TGM6: variants seen among roughly 807,000 people sequenced by gnomAD.
TGM6 encodes protein-glutamine gamma-glutamyltransferase 6.
Under a neutral mutation model 77.5 loss-of-function variants are expected in TGM6, and 74 were observed. The ratio of observed to expected loss-of-function variants is 0.96; its 90% confidence interval spans 0.79 to 1.16. The LOEUF is 1.16. Ranked by LOEUF, TGM6 falls within the 50% of genes most tolerant of loss-of-function variation. TGM6 has a pLI of 0.00. For missense variants in TGM6, 968 were observed against 940.2 expected (o/e 1.03, Z -0.39); for synonymous variants, 383 against 378.9 (o/e 1.01, Z -0.12).
chr20:2,396,571 A>T lies in TGM6; in HGVS notation c.490A>T (p.Ile164Phe). 1 of 1,614,238 alleles carries T rather than the reference A, an allele frequency of 6.2e-7. No individual in the cohort carries two copies. The highest frequency in any genetic ancestry group is 8.5e-7 in the Non-Finnish European group (1 of 1,180,040). The change falls in exon 4 of 13, where the codon ATC becomes TTC. Residue 164 changes from isoleucine to phenylalanine, a missense_variant. By Grantham distance (21) the Ile-to-Phe change is conservative (BLOSUM62 0). Coordinates refer to ENST00000202625, the MANE Select transcript of TGM6 (RefSeq NM_198994.3). ...QEYVLSDSGI[I>F]FRGVEKHIRA... Reference sequence around the variant, plus strand: ...GTACGTGCTCAGCGACAGCGGCATCATCTTCCGAGGCGTGGAGAAGCACAT... The same window carrying T: ...GTACGTGCTCAGCGACAGCGGCATCTTCTTCCGAGGCGTGGAGAAGCACAT...
At chr20:2,406,850 A>AAC (rs2084755398) in intron 9 of TGM6, among the ~76,000 whole-genome samples, 1 of 146,964 alleles carries the variant, frequency 6.8e-6, no homozygotes, top group Non-Finnish European at 1.5e-5. Flanking sequence ...AAAAAAAAAA[A>AAC]AAAAAAAAAA....
At position 2,417,306 on chromosome 20, in the gene TGM6, A is replaced by G. The variant is rs778120112; in HGVS notation, c.1411A>G (p.Ile471Val). Residue 471 changes from isoleucine (I) to valine (V), a missense_variant, in exon 10 of 13, where the codon ATC (isoleucine) becomes GTC (valine). Ile to Val is a conservative substitution (Grantham distance 29, BLOSUM62 3). Transcript: ENST00000202625. ...CGGCGTGGAAGCCTCTGGAAGGAGA[A>G]TCTGGATCCGCAGGGCTGGGGGTCG... ...LFGVEASGRR[I>V]WIRRAGGRCL... 1.2e-6 allele frequency: 2 copies of G among 1,612,648 alleles called. No homozygotes were observed. The highest frequency in any genetic ancestry group is 4.5e-5 in the East Asian group (2 of 44,860).
intron 7 of TGM6, among the ~76,000 whole-genome samples, chr20:2,400,791 A>G (rs1295255732): frequency 6.6e-6 from 1 of 152,078 alleles, no homozygotes; most frequent in Non-Finnish European, 1.5e-5. Flanking sequence ...CTGCTTCCGT[A>G]TCAGCTGCGG....
intron 1 of TGM6, among the ~76,000 whole-genome samples, chr20:2,381,198 T>A (rs2084552363): frequency 6.6e-6 from 1 of 152,146 alleles, no homozygotes; most frequent in Non-Finnish European, 1.5e-5. Context: ...GCTCAGGCGC[T>A]GTCTCCTGGG....
rs1467507321 is a variant in TGM6 at position 2,432,607 on chromosome 20, G to T, written c.2085G>T (p.Lys695Asn). The change falls in exon 13 of 13, where the codon AAG (lysine) becomes AAT (asparagine). Residue 695 changes from lysine to asparagine, a missense_variant. Lys to Asn is a moderately conservative substitution (Grantham distance 94). Transcript: ENST00000202625. ...TAAGCCCTCACTTCCCGGACATCAA[G>T]GGCTTTGTGATCGTCCATGTGGCCA... The part of the protein sequence containing the change: ...DLVSPHFPDI[K>N]GFVIVHVATA... 1 of 1,614,156 alleles carries T rather than the reference G, an allele frequency of 6.2e-7. No homozygotes were observed. The highest frequency in any genetic ancestry group is 1.7e-5 in the Admixed American group (1 of 60,026).
chr20:2,403,206 T>G (rs1230996882), intron 7 of TGM6, among the ~76,000 whole-genome samples, 191 bp from the exon 8 acceptor site: 1 of 152,242 alleles, frequency 6.6e-6, no homozygotes, highest in Non-Finnish European at 1.5e-5. Flanking sequence ...CACATCTATA[T>G]ACACACATAC....
intron 10 of TGM6, among the ~76,000 whole-genome samples, chr20:2,422,046 C>T (rs903978943): frequency 1.1e-4 from 16 of 152,040 alleles, no homozygotes; most frequent in African/African-American, 2.2e-4. Flanking sequence ...GCAGGAGAAT[C>T]GCTTGAACCC....
rs545711822 is a variant in TGM6, at chr20:2,418,831, T to C, written c.1678+1258T>C. 1.3e-4 allele frequency among the ~76,000 whole-genome samples: 19 copies of C among 147,278 alleles called. No homozygotes were observed. The East Asian group carries it at 2.5e-3, about 20-fold the overall frequency. Reference sequence around the variant, plus strand: ...GTGGCTCACGCCTGTAATCCTAGCATTTTGGGAGGCCAAGGCGGGTGGATC... The same window carrying C: ...GTGGCTCACGCCTGTAATCCTAGCACTTTGGGAGGCCAAGGCGGGTGGATC... On this transcript the variant is annotated intron_variant, in intron 10 of 12. Transcript: ENST00000202625.
chr20:2,400,729 G>T (rs1212872914), intron 7 of TGM6, among the ~76,000 whole-genome samples: 1 of 151,912 alleles, frequency 6.6e-6, no homozygotes, highest in Non-Finnish European at 1.5e-5. Context: ...TGGCTTCCTG[G>T]GGTGGGGTGG....
chr20:2,410,332 G>A (rs1387818660), intron 9 of TGM6, among the ~76,000 whole-genome samples: 1 of 152,168 alleles, frequency 6.6e-6, no homozygotes, highest in Admixed American at 6.5e-5. Flanking sequence ...ACATTGAGGT[G>A]CTGAGAGGGT....
chr20:2,421,939 C>A (rs528719249), intron 10 of TGM6, among the ~76,000 whole-genome samples: 16 of 152,204 alleles, frequency 1.1e-4, no homozygotes, highest in Non-Finnish European at 2.9e-5. Context: ...TGAGACCAGC[C>A]TGGTCAACAT....
chr20:2,406,794 A>G (rs1361237484), intron 9 of TGM6, among the ~76,000 whole-genome samples: 1 of 134,870 alleles, frequency 7.4e-6, no homozygotes, highest in Non-Finnish European at 1.6e-5. Flanking sequence ...AGGATCGCAC[A>G]CTGCACTCCA....
chr20:2,415,995 C>T (rs2084814209), intron 9 of TGM6, among the ~76,000 whole-genome samples: 1 of 152,114 alleles, frequency 6.6e-6, no homozygotes, highest in Non-Finnish European at 1.5e-5. Flanking sequence ...AGTGCGTTCC[C>T]TCTAGGGGGG....
intron 3 of TGM6, 144 bp from the exon 4 acceptor site, chr20:2,396,362 G>A (rs972109292): frequency 1.9e-5 from 15 of 774,278 alleles, no homozygotes; most frequent in Admixed American, 3.8e-5. Flanking sequence ...GAGGCAGCAC[G>A]GGAGCTCGCA....
intron 10 of TGM6, among the ~76,000 whole-genome samples, chr20:2,419,978 C>A (rs2084844742): frequency 6.6e-6 from 1 of 152,206 alleles, no homozygotes; most frequent in South Asian, 2.1e-4. Flanking sequence ...GGCGCAGTGG[C>A]TCACGCCTGT....
intron 9 of TGM6, among the ~76,000 whole-genome samples, chr20:2,404,191 C>A (rs2084734327): frequency 6.6e-6 from 1 of 152,208 alleles, no homozygotes; most frequent in Non-Finnish European, 1.5e-5. Flanking sequence ...AGGACAAACG[C>A]ATGGCACAGG....
At position 2,421,274 on chromosome 20, in the gene TGM6, C is replaced by T. The variant is rs183899523; in HGVS notation, c.1678+3701C>T. On this transcript the variant is annotated intron_variant, in intron 10 of 12. Coordinates refer to ENST00000202625, the MANE Select transcript of TGM6 (RefSeq NM_198994.3). ...TGCTGGGATTACAGGCATGAGCCGC[C>T]GTGCCCGGCTCGAATTTTAAATTCT... is the stretch of plus-strand genomic sequence containing the variant. Among the ~76,000 whole-genome samples the T allele has an allele frequency of 6.5e-4, 99 of 152,344 alleles. 1 individual carries two copies. The East Asian group carries it at 0.011, about 18-fold the overall frequency.
intron 9 of TGM6, among the ~76,000 whole-genome samples, chr20:2,416,102 T>C (rs541330528): frequency 3.9e-5 from 6 of 152,280 alleles, no homozygotes; most frequent in South Asian, 2.1e-4. Flanking sequence ...GATGAGCCAG[T>C]GGTGTTAGCA....
Position 2,417,493 on chromosome 20 carries a change from G to T in TGM6, c.1598G>T (p.Gly533Val). 6.2e-7 allele frequency: 1 copy of T among 1,608,730 alleles called. No homozygotes were observed. The change falls in exon 10 of 13, where the codon GGT (glycine) becomes GTT (valine). Residue 533 changes from glycine (G) to valine (V), a missense_variant. Physicochemically the swap from Gly to Val is moderately radical, Grantham distance 109 (BLOSUM62 -3). Transcript: ENST00000202625. Reference protein sequence around the residue: ...RAQRVRVNLSGATILYTRKPV... With the variant: ...RAQRVRVNLSVATILYTRKPV... ...CAGCGGGTGAGGGTCAACCTGAGCG[G>T]TGCCACCATCCTCTATACCCGCAAG...
Sources: allele counts gnomAD v4.1 joint callset (sites outside exome capture counted in the v4.1 genomes callset), GRCh38; gene constraint gnomAD v4.1.1; transcripts MANE v1.5; gene names NCBI Gene and HGNC (gene_info 2026-07-23, HGNC 2026-07-21).